ARHGAP28: variants seen among roughly 807,000 people sequenced by gnomAD.
The protein encoded by ARHGAP28 is Rho GTPase activating protein 28, also known as rho GTPase-activating protein 28.
Under a neutral mutation model 90.7 loss-of-function variants are expected in ARHGAP28, and 56 were observed. The ratio of observed to expected loss-of-function variants is 0.62; its 90% confidence interval spans 0.50 to 0.77. The LOEUF is 0.77. Ranked by LOEUF, ARHGAP28 falls within the 30% of genes least tolerant of loss-of-function variation. The probability of loss-of-function intolerance (pLI) is 0.00; values close to 1 mark genes in which losing one functional copy is unlikely to be tolerated. For synonymous variants in ARHGAP28, 308 were observed against 323.3 expected, an observed-to-expected ratio of 0.95 and a Z score of 0.51; for missense variants, 869 against 900.9, an observed-to-expected ratio of 0.96 and a Z score of 0.45.
At chr18:6,747,329 G>A (rs1467494304) in intron 1 of ARHGAP28, among the ~76,000 whole-genome samples, 2 of 152,090 alleles carry the variant, frequency 1.3e-5, no homozygotes, top group East Asian at 1.9e-4. Context: ...AAGGTAGACG[G>A]TAGGGAGAGG....
chr18:6,800,555 T>C (rs531149432), intron 1 of ARHGAP28, among the ~76,000 whole-genome samples: 1 of 152,322 alleles, frequency 6.6e-6, no homozygotes, highest in South Asian at 2.1e-4. Flanking sequence ...TCATGTCCTT[T>C]GCAGGGACAT....
chr18:6,832,175 G>A (rs2056721527), intron 2 of ARHGAP28, among the ~76,000 whole-genome samples: 1 of 151,478 alleles, frequency 6.6e-6, no homozygotes, highest in Non-Finnish European at 1.5e-5. Flanking sequence ...AGTTTTAAAT[G>A]TTTTCTCAAT....
chr18:6,804,267 C>G (rs748518130), intron 1 of ARHGAP28, among the ~76,000 whole-genome samples: 14 of 152,144 alleles, frequency 9.2e-5, no homozygotes, highest in Admixed American at 2.0e-4. Flanking sequence ...CATTTAATAT[C>G]AGTAAAATTT....
chr18:6,803,625 A>G (rs1267418600), intron 1 of ARHGAP28, among the ~76,000 whole-genome samples: 2 of 151,946 alleles, frequency 1.3e-5, no homozygotes, highest in Admixed American at 6.6e-5. Context: ...CTCCCCTTCA[A>G]TTTTCTGAAA....
At position 6,797,995 on chromosome 18, in the gene ARHGAP28, T is replaced by A. The variant is rs182388314; in HGVS notation, c.123-26767T>A. ...TTTTTAAACACATTTTTAAAAACAT[T>A]AAGTTTAAAGGAAAAGCATAAATTT... On this transcript the variant is annotated intron_variant, in intron 1 of 17. Transcript: ENST00000383472. Among the ~76,000 whole-genome samples the A allele has an allele frequency of 3.0e-4, 46 of 152,256 alleles. No homozygotes were observed. In the East Asian group the frequency reaches 8.3e-3, roughly 28 times the overall value.
At chr18:6,830,523 A>C (rs1480514053) in intron 2 of ARHGAP28, among the ~76,000 whole-genome samples, 1 of 151,956 alleles carries the variant, frequency 6.6e-6, no homozygotes, top group Non-Finnish European at 1.5e-5. Context: ...CCCTGTGTCC[A>C]TGTATTCTCA....
intron 1 of ARHGAP28, among the ~76,000 whole-genome samples, chr18:6,760,090 A>G (rs918800985): frequency 6.6e-6 from 1 of 152,164 alleles, no homozygotes; most frequent in Non-Finnish European, 1.5e-5. Context: ...TATCCTAACT[A>G]TGCCTGCCTA....
At chr18:6,838,589 T>G (rs550935191) in intron 3 of ARHGAP28, among the ~76,000 whole-genome samples, 6 of 152,350 alleles carry the variant, frequency 3.9e-5, no homozygotes, top group African/African-American at 1.4e-4. Context: ...TACATATGAC[T>G]ACCAACACTT....
intron 1 of ARHGAP28, among the ~76,000 whole-genome samples, chr18:6,753,338 T>C (rs1010103914): frequency 6.6e-6 from 1 of 152,120 alleles, no homozygotes; most frequent in African/African-American, 2.4e-5. Context: ...AGTCTTTAAA[T>C]TTTTTTTGGA....
intron 14 of ARHGAP28, among the ~76,000 whole-genome samples, chr18:6,892,722 T>C (rs1295105284): frequency 6.6e-6 from 1 of 152,226 alleles, no homozygotes; most frequent in Non-Finnish European, 1.5e-5. Context: ...GTCTGTATTC[T>C]TTGTTTTGTG....
chr18:6,765,126 A>G (rs2056190324), intron 1 of ARHGAP28, among the ~76,000 whole-genome samples: 2 of 152,142 alleles, frequency 1.3e-5, no homozygotes, highest in Non-Finnish European at 2.9e-5. Context: ...TTGTTCTGGT[A>G]ATGTCTTTGT....
At chr18:6,740,149 C>T (rs961887993) in intron 1 of ARHGAP28, among the ~76,000 whole-genome samples, 9 of 152,126 alleles carry the variant, frequency 5.9e-5, no homozygotes, top group Non-Finnish European at 7.3e-5. Context: ...CCACTGTGTC[C>T]GGCCTTACCG....
At chr18:6,853,448 A>G (rs2056926231) in intron 4 of ARHGAP28, among the ~76,000 whole-genome samples, 1 of 151,230 alleles carries the variant, frequency 6.6e-6, no homozygotes. Flanking sequence ...CTTTCTACTA[A>G]TAATAACTCA....
At chr18:6,911,815 T>G (rs532829171) in intron 17 of ARHGAP28, among the ~76,000 whole-genome samples, 1 of 152,104 alleles carries the variant, frequency 6.6e-6, no homozygotes, top group South Asian at 2.1e-4. Flanking sequence ...CTTCCAAAAT[T>G]TCACATGAGA....
intron 1 of ARHGAP28, among the ~76,000 whole-genome samples, chr18:6,762,427 A>C (rs1234227599): frequency 6.6e-6 from 1 of 152,150 alleles, no homozygotes; most frequent in South Asian, 2.1e-4. Context: ...TTTTCAGTCT[A>C]TACTGCAAAA....
chr18:6,842,562 T>C (rs898213482), intron 3 of ARHGAP28, among the ~76,000 whole-genome samples: 1 of 152,334 alleles, frequency 6.6e-6, no homozygotes. Flanking sequence ...TCTGCTCCCT[T>C]CAGAGTCATG....
intron 3 of ARHGAP28, among the ~76,000 whole-genome samples, chr18:6,838,692 T>C (rs2056772930): frequency 6.6e-6 from 1 of 152,252 alleles, no homozygotes; most frequent in Admixed American, 6.5e-5. Context: ...GTAGCTTATG[T>C]ATTGAATAAC....
chr18:6,800,591 C>G (rs2056474834), intron 1 of ARHGAP28, among the ~76,000 whole-genome samples: 1 of 152,088 alleles, frequency 6.6e-6, no homozygotes, highest in Non-Finnish European at 1.5e-5. Flanking sequence ...CCATCATTCT[C>G]AGCAAACTAA....
In ARHGAP28 at chr18:6,894,895, A is replaced by G. The variant is rs2057293799; in HGVS notation, c.1905+4A>G. The G allele has an allele frequency of 1.2e-6, 2 of 1,613,806 alleles. No individual in the cohort carries two copies. The highest frequency in any genetic ancestry group is 2.7e-5 in the African/African-American group (2 of 74,928). Reference sequence around the variant, plus strand: ...ATCACCCTCGGCAAGACGAATGGTAAGAAAAATAATTTCTTTTCCCTTCCA... The same window carrying G: ...ATCACCCTCGGCAAGACGAATGGTAGGAAAAATAATTTCTTTTCCCTTCCA... On this transcript the variant is annotated splice_donor_region_variant and intron_variant, in intron 15 of 17. Transcript: ENST00000383472.
Sources: allele counts gnomAD v4.1 joint callset (sites outside exome capture counted in the v4.1 genomes callset), GRCh38; gene constraint gnomAD v4.1.1; transcripts MANE v1.5; gene names NCBI Gene and HGNC (gene_info 2026-07-23, HGNC 2026-07-21).